Variants in MSN observed in about 807,000 individuals in gnomAD.
The protein encoded by MSN is moesin, also known as epididymis luminal protein 70.
In MSN, 2 loss-of-function variants were observed where a neutral mutation model predicts 48.0. The observed-to-expected ratio is 0.04, with a 90% CI of 0.02 to 0.13. MSN has a LOEUF of 0.13. MSN is among the 10% of genes least tolerant of loss of function. The probability of loss-of-function intolerance (pLI) is 1.00; values close to 1 mark genes in which losing one functional copy is unlikely to be tolerated. For synonymous variants in MSN, 146 were observed against 166.9 expected (o/e 0.87, Z 0.97); for missense variants, 267 against 470.1 (o/e 0.57, Z 3.99).
chrX:65,631,126 C>T (rs779565274), intron 1 of MSN, among the ~76,000 whole-genome samples: 7 of 107,141 alleles, frequency 6.5e-5, no homozygotes, highest in East Asian at 2.9e-4. Flanking sequence ...GACAGAGTCT[C>T]GCTCTGTTGC....
chrX:65,712,866 A>G (rs971909063), intron 1 of MSN, among the ~76,000 whole-genome samples: 2 of 110,740 alleles, frequency 1.8e-5, no homozygotes, highest in African/African-American at 6.6e-5. Flanking sequence ...TTAATGGGAG[A>G]CTTTTGTACT....
In MSN at chrX:65,733,196, G is replaced by A; in HGVS notation, c.711G>A (p.Lys237=). 8.3e-7 allele frequency: 1 copy of A among 1,209,586 alleles called. No individual in the cohort carries two copies. The highest frequency in any genetic ancestry group is 1.1e-6 in the Non-Finnish European group (1 of 893,692). ...TCTATTTCTACAGACTAACTCCCAA[G>A]ATAGGCTTCCCCTGGAGTGAAATCA... is the stretch of plus-strand genomic sequence containing the variant. ...IYEQNDRLTP[K]IGFPWSEIRN... Residue 237 remains lysine, a synonymous_variant, in exon 7 of 13, where the codon AAG becomes AAA. Coordinates refer to ENST00000360270, the MANE Select transcript of MSN (RefSeq NM_002444.3).
chrX:65,599,392 T>C (rs2070213682), intron 1 of MSN, among the ~76,000 whole-genome samples: 1 of 112,714 alleles, frequency 8.9e-6, no homozygotes, highest in Non-Finnish European at 1.9e-5. Context: ...CCCAGCACTT[T>C]GGGAGGCTGA....
intron 1 of MSN, among the ~76,000 whole-genome samples, chrX:65,606,470 C>T (rs994124277): frequency 1.2e-4 from 13 of 110,915 alleles, no homozygotes; most frequent in South Asian, 3.8e-4. Context: ...TTCCCCAGAC[C>T]GGAGTACAGT....
At chrX:65,614,668 T>G (rs1452092002) in intron 1 of MSN, among the ~76,000 whole-genome samples, 15 of 53,665 alleles carry the variant, frequency 2.8e-4, no homozygotes, top group Admixed American at 1.4e-3. Context: ...TGACTCTCTG[T>G]TTTTTTTTTT....
chrX:65,733,226 C>T lies in MSN; in HGVS notation c.741C>T (p.Asn247=). ...KIGFPWSEIR[N]ISFNDKKFVI... is the part of the protein sequence containing the mutation. The stretch of plus-strand genomic sequence containing the variant: ...GCTTCCCCTGGAGTGAAATCAGGAA[C>T]ATCTCTTTCAATGATAAGAAATTTG... The change falls in exon 7 of 13, where the codon AAC becomes AAT. Residue 247 remains asparagine, a synonymous_variant. Transcript: ENST00000360270. The T allele has an allele frequency of 8.3e-7, 1 of 1,209,508 alleles. No individual in the cohort carries two copies.
At chrX:65,598,975 G>A (rs1041544922) in intron 1 of MSN, among the ~76,000 whole-genome samples, 1 of 111,776 alleles carries the variant, frequency 8.9e-6, no homozygotes, top group Non-Finnish European at 1.9e-5. Context: ...GGGCTTGAAG[G>A]ATGAAAACAA....
At chrX:65,702,622 C>T (rs776721743) in intron 1 of MSN, among the ~76,000 whole-genome samples, 1 of 109,885 alleles carries the variant, frequency 9.1e-6, no homozygotes. Context: ...GCCAAGATCA[C>T]GCCATTGCAC....
intron 2 of MSN, among the ~76,000 whole-genome samples, chrX:65,720,592 T>A (rs1380549355): frequency 1.8e-5 from 2 of 112,170 alleles, no homozygotes; most frequent in Non-Finnish European, 3.8e-5. Flanking sequence ...TGATGAGGCA[T>A]AAGGGAGGAA....
intron 2 of MSN, among the ~76,000 whole-genome samples, chrX:65,724,519 G>A (rs1421419453): frequency 1.8e-5 from 2 of 111,305 alleles, no homozygotes; most frequent in East Asian, 2.8e-4. Context: ...AGAGGCTAAC[G>A]GTCTCACTCC....
At chrX:65,607,274 C>T (rs929451458) in intron 1 of MSN, among the ~76,000 whole-genome samples, 2 of 111,791 alleles carry the variant, frequency 1.8e-5, no homozygotes, top group African/African-American at 6.5e-5. Context: ...CTATAACATA[C>T]TGCTTTTGAC....
At chrX:65,639,877 A>T (rs1232646434) in intron 1 of MSN, among the ~76,000 whole-genome samples, 2 of 111,701 alleles carry the variant, frequency 1.8e-5, no homozygotes, top group Non-Finnish European at 3.8e-5. Context: ...TATACACAGG[A>T]CTTACTGTTT....
intron 1 of MSN, among the ~76,000 whole-genome samples, chrX:65,688,934 A>G (rs2071144859): frequency 8.9e-6 from 1 of 112,087 alleles, no homozygotes; most frequent in African/African-American, 3.2e-5. Context: ...GTTGCTTATT[A>G]GTAGGTGAGA....
Position 65,733,056 on chromosome X carries a change from A to C in MSN, c.699-128A>C, listed in dbSNP as rs1173510094. The C allele has an allele frequency of 1.0e-5, 5 of 485,115 alleles. No homozygotes were observed. The African/African-American group carries it at 1.2e-4, about 12-fold the overall frequency. 40.0% of individuals were successfully genotyped at this position (485,115 alleles called of 1,213,427 possible). On this transcript the variant is annotated intron_variant, in intron 6 of 12. Coordinates refer to ENST00000360270, the MANE Select transcript of MSN (RefSeq NM_002444.3). ...ACATAGTGAGACCTCGTCTCTATTT[A>C]TTTTAAAAAAAAAAAAAGAGAGAGA...
intron 1 of MSN, among the ~76,000 whole-genome samples, chrX:65,645,654 A>G (rs140752863): frequency 9.0e-6 from 1 of 111,646 alleles, no homozygotes; most frequent in East Asian, 2.8e-4. Flanking sequence ...CTATGTGGAA[A>G]TGCTTAGGTG....
At chrX:65,656,126 T>A (rs1221169110) in intron 1 of MSN, among the ~76,000 whole-genome samples, 2 of 112,372 alleles carry the variant, frequency 1.8e-5, no homozygotes, top group African/African-American at 6.5e-5. Flanking sequence ...TGTATTTAAT[T>A]AGTGCTCTGG....
At chrX:65,666,461 G>A (rs2070871321), upstream of MSN, among the ~76,000 whole-genome samples, 1 of 110,011 alleles carries the variant, frequency 9.1e-6, no homozygotes, top group African/African-American at 3.3e-5. Flanking sequence ...CGAGTAGCTC[G>A]GATTACAGGC....
chrX:65,677,791 G>A (rs1320098879), intron 1 of MSN, among the ~76,000 whole-genome samples: 1 of 110,907 alleles, frequency 9.0e-6, no homozygotes, highest in Non-Finnish European at 1.9e-5. Context: ...ATATGTAAAT[G>A]GAAAAGAACA....
intron 1 of MSN, among the ~76,000 whole-genome samples, chrX:65,696,684 G>C (rs1441784831): frequency 9.0e-6 from 1 of 111,216 alleles, no homozygotes; most frequent in Non-Finnish European, 1.9e-5. Context: ...GTGGTGGTAG[G>C]GGTGCTAAAA....
Sources: gnomAD v4.1 joint callset for allele counts (sites outside exome capture counted in the v4.1 genomes callset) on GRCh38, gnomAD v4.1.1 for gene constraint, MANE v1.5 for transcripts, NCBI Gene and HGNC (gene_info 2026-07-23, HGNC 2026-07-21) for gene names.